ELL: variants seen among roughly 807,000 people sequenced by gnomAD.
ELL encodes the protein elongation factor for RNA polymerase II.
ELL carries 18 observed loss-of-function variants against 64.0 expected under a neutral mutation model. The ratio of observed to expected loss-of-function variants is 0.28; its 90% CI spans 0.19 to 0.42. ELL has a LOEUF of 0.42. Ranked by LOEUF, ELL falls within the 10% of genes least tolerant of loss-of-function variation. The probability of loss-of-function intolerance (pLI) is 1.00; values close to 1 mark genes in which losing one functional copy is unlikely to be tolerated. For missense variants in ELL, 797 were observed against 870.4 expected (o/e 0.92, Z 1.06); for synonymous variants, 399 against 376.2 (o/e 1.06, Z -0.70).
At chr19:18,446,883 T>C in intron 8 of ELL, 69 bp from the exon 9 acceptor site, 2 of 1,519,902 alleles carry the variant, frequency 1.3e-6, no homozygotes, top group East Asian at 2.3e-5. Flanking sequence ...CACGCCAGGA[T>C]GGGGACATGC....
intron 6 of ELL, among the ~76,000 whole-genome samples, chr19:18,457,156 G>C (rs1974698635): frequency 6.6e-6 from 1 of 152,180 alleles, no homozygotes; most frequent in African/African-American, 2.4e-5. Flanking sequence ...TCAGCAGACG[G>C]AACATGAGCC....
intron 2 of ELL, among the ~76,000 whole-genome samples, chr19:18,467,732 CCACACA>C (rs559721115): frequency 3.0e-5 from 4 of 131,432 alleles, no homozygotes; most frequent in African/African-American, 1.2e-4. Context: ...CACACAATCC[CCACACA>C]CACACAAACA....
At chr19:18,496,491 G>C (rs929800845) in intron 1 of ELL, among the ~76,000 whole-genome samples, 9 of 151,954 alleles carry the variant, frequency 5.9e-5, no homozygotes, top group East Asian at 1.9e-4. Context: ...TCCTGGGCTC[G>C]AGAATAAATA....
At chr19:18,515,344 C>T (rs1976105896) in intron 1 of ELL, among the ~76,000 whole-genome samples, 1 of 152,270 alleles carries the variant, frequency 6.6e-6, no homozygotes, top group South Asian at 2.1e-4. Flanking sequence ...CTGATGCCTC[C>T]TGGCAGCCCA....
At position 18,492,914 on chromosome 19, in the gene ELL, G is replaced by A. The variant is rs537774636; in HGVS notation, c.136-20032C>T. On this transcript the variant is annotated intron_variant, in intron 1 of 11. Transcript: ENST00000262809. ...ACTGGCCAGGCTGCGATGACACCAG[G>A]AAAAGCTAGGACAAGTTCATTCCCC... is the stretch of plus-strand genomic sequence containing the variant. 1.6e-4 allele frequency among the ~76,000 whole-genome samples: 25 copies of A among 152,158 alleles called. No homozygotes were observed. In the South Asian group the frequency reaches 5.0e-3, roughly 30 times the overall value.
intron 1 of ELL, chr19:18,473,127 C>T (rs1975099851): frequency 1.5e-6 from 1 of 677,124 alleles, no homozygotes; most frequent in Non-Finnish European, 2.7e-6. Flanking sequence ...AAGAATGGGG[C>T]CTCCAGACAC....
intron 1 of ELL, among the ~76,000 whole-genome samples, chr19:18,511,445 G>C (rs1367467169): frequency 1.3e-5 from 2 of 152,122 alleles, no homozygotes; most frequent in Non-Finnish European, 2.9e-5. Context: ...GTATCCAAAA[G>C]AACTGAAAGC....
chr19:18,443,681 G>A lies in ELL; in HGVS notation c.*1071C>T, dbSNP rs901080420. On this transcript the variant is annotated 3_prime_UTR_variant, in exon 12 of 12. Transcript: ENST00000262809. Reference sequence around the variant, plus strand: ...GAGCAGCAATTGGGGTGTCTGCAGAGCCTGCACCCCCAGAGCAGGCAGACC... The same window carrying A: ...GAGCAGCAATTGGGGTGTCTGCAGAACCTGCACCCCCAGAGCAGGCAGACC... The A allele has an allele frequency of 1.3e-5, 3 of 233,244 alleles. No individual in the cohort carries two copies. Among genetic ancestry groups the A allele is most frequent in the Admixed American group, 1.1e-4 (2 of 17,776 alleles). The allele number at this position is 233,244 out of a possible 1,614,324, so 14.4% of individuals were successfully genotyped here.
chr19:18,446,892 G>A (rs1974429117), intron 8 of ELL, 78 bp from the exon 9 acceptor site: 21 of 1,460,328 alleles, frequency 1.4e-5, no homozygotes, highest in South Asian at 9.3e-5. Context: ...ATGGGGACAT[G>A]CATGAAAACT....
chr19:18,447,125 G>A (rs569828897), intron 8 of ELL, among the ~76,000 whole-genome samples: 6 of 152,328 alleles, frequency 3.9e-5, no homozygotes, highest in Admixed American at 2.6e-4. Flanking sequence ...GGCAAACAGC[G>A]GACAGGTCAG....
chr19:18,488,183 G>A (rs564594645), intron 1 of ELL, among the ~76,000 whole-genome samples: 1 of 152,302 alleles, frequency 6.6e-6, no homozygotes, highest in East Asian at 1.9e-4. Flanking sequence ...TCTCACAAAA[G>A]GATCGGCCCT....
At chr19:18,446,956 G>A (rs1174780490) in intron 8 of ELL, 142 bp from the exon 9 acceptor site, 9 of 951,480 alleles carry the variant, frequency 9.5e-6, no homozygotes, top group Non-Finnish European at 1.5e-5. Context: ...ATGACTGTGT[G>A]GCAGGTGCAA....
chr19:18,511,829 C>T (rs528067139), intron 1 of ELL, among the ~76,000 whole-genome samples: 77 of 149,568 alleles, frequency 5.1e-4, no homozygotes, highest in African/African-American at 1.6e-3. Context: ...GACCAGCCTG[C>T]GCAACACAGT....
At chr19:18,478,634 G>T (rs538667037) in intron 1 of ELL, among the ~76,000 whole-genome samples, 1 of 152,228 alleles carries the variant, frequency 6.6e-6, no homozygotes, top group Non-Finnish European at 1.5e-5. Context: ...TGGTAGGGCC[G>T]CCACAGCTGG....
chr19:18,509,594 C>CGCAT (rs1975967377), intron 1 of ELL, among the ~76,000 whole-genome samples: 1 of 39,142 alleles, frequency 2.6e-5, no homozygotes, highest in Non-Finnish European at 4.4e-5. Context: ...CGCGCGCGCG[C>CGCAT]ACATACACAC....
intron 8 of ELL, 56 bp downstream of exon 8, chr19:18,450,421 C>T (rs763684011): frequency 1.4e-5 from 22 of 1,578,010 alleles, no homozygotes; most frequent in Non-Finnish European, 1.7e-5. Context: ...GAGGGTGAGG[C>T]GGGTGTGGGG....
intron 1 of ELL, among the ~76,000 whole-genome samples, chr19:18,492,106 G>C (rs1600483954): frequency 6.6e-6 from 1 of 152,086 alleles, no homozygotes; most frequent in East Asian, 1.9e-4. Context: ...ACTGGCTCCT[G>C]GCTCTTCCCC....
At chr19:18,482,230 G>GT (rs898798448) in intron 1 of ELL, among the ~76,000 whole-genome samples, 1,369 of 122,352 alleles carry the variant, frequency 0.011, 12 homozygotes, top group South Asian at 0.029. Flanking sequence ...AAGTTTTGAG[G>GT]TTTTTTTTTT....
intron 1 of ELL, among the ~76,000 whole-genome samples, chr19:18,499,812 C>A (rs1034063064): frequency 2.0e-5 from 3 of 152,166 alleles, no homozygotes; most frequent in Non-Finnish European, 4.4e-5. Context: ...GGAGAACCCA[C>A]CAGGGATGGC....
Sources: allele counts gnomAD v4.1 joint callset (sites outside exome capture counted in the v4.1 genomes callset), GRCh38; gene constraint gnomAD v4.1.1; transcripts MANE v1.5; gene names NCBI Gene and HGNC (gene_info 2026-07-23, HGNC 2026-07-21).